MRPL1: variants seen among roughly 807,000 people sequenced by gnomAD.
MRPL1 encodes large ribosomal subunit protein uL1m.
MRPL1 carries 28 observed loss-of-function variants against 38.0 expected under a neutral mutation model. The observed-to-expected ratio is 0.74, with a 90% confidence interval of 0.55 to 1.01. The LOEUF is 1.01. MRPL1 is among the 50% of genes least tolerant of loss of function. The probability of loss-of-function intolerance (pLI) is 0.00; values close to 1 mark genes in which losing one functional copy is unlikely to be tolerated. For synonymous variants in MRPL1, 123 were observed against 126.7 expected (o/e 0.97, Z 0.20); for missense variants, 358 against 389.8 (o/e 0.92, Z 0.69).
chr4:77,881,091 A>T (rs1217805980), intron 2 of MRPL1, among the ~76,000 whole-genome samples: 1 of 152,232 alleles, frequency 6.6e-6, no homozygotes, highest in Non-Finnish European at 1.5e-5. Context: ...TAGAGCAGGG[A>T]AACTGTCATC....
chr4:77,892,593 C>T (rs1270141753), intron 5 of MRPL1, among the ~76,000 whole-genome samples: 1 of 152,158 alleles, frequency 6.6e-6, no homozygotes, highest in Non-Finnish European at 1.5e-5. Context: ...TTCCAAGATA[C>T]AGTCCTACTT....
intron 7 of MRPL1, among the ~76,000 whole-genome samples, chr4:77,925,509 G>A (rs1736695370): frequency 6.6e-6 from 1 of 151,744 alleles, no homozygotes; most frequent in South Asian, 2.1e-4. Flanking sequence ...GCCCGGCTAA[G>A]TACTTTTCTT....
rs1034592725 is a variant in MRPL1 at position 77,916,595 on chromosome 4, G to A, written c.777+7223G>A. Among the ~76,000 whole-genome samples, 4 of 152,192 alleles carry A rather than the reference G, an allele frequency of 2.6e-5. 1 individual carries two copies. The highest frequency in any genetic ancestry group is 4.1e-4 in the South Asian group (2 of 4,828). The stretch of plus-strand genomic sequence containing the variant: ...ATACTATTCTGTAGCTTTCTTTTCT[G>A]TGGATAAAAGTGTAGCATGGATGTC... On this transcript the variant is annotated intron_variant, in intron 7 of 8. Transcript: ENST00000315567.
chr4:77,889,157 C>T (rs981123521), intron 5 of MRPL1, among the ~76,000 whole-genome samples: 1 of 152,204 alleles, frequency 6.6e-6, no homozygotes, highest in African/African-American at 2.4e-5. Context: ...GAACTCTCCA[C>T]CCCAAATCAA....
At chr4:77,878,057 C>T (rs1345791193) in intron 2 of MRPL1, among the ~76,000 whole-genome samples, 3 of 152,110 alleles carry the variant, frequency 2.0e-5, no homozygotes, top group Non-Finnish European at 1.5e-5. Context: ...GTCACACTAG[C>T]CCTAAAATTG....
intron 6 of MRPL1, among the ~76,000 whole-genome samples, chr4:77,903,689 G>A (rs1340395353): frequency 6.6e-6 from 1 of 152,050 alleles, no homozygotes; most frequent in Non-Finnish European, 1.5e-5. Context: ...ATTTATGTGA[G>A]CATAAAGAAA....
intron 7 of MRPL1, among the ~76,000 whole-genome samples, chr4:77,938,659 C>A (rs567439385): frequency 6.6e-6 from 1 of 152,126 alleles, no homozygotes; most frequent in Non-Finnish European, 1.5e-5. Context: ...CTGTTCTTGA[C>A]AAATCAGGAG....
intron 5 of MRPL1, among the ~76,000 whole-genome samples, chr4:77,890,347 A>C (rs576765961): frequency 6.6e-6 from 1 of 152,322 alleles, no homozygotes; most frequent in South Asian, 2.1e-4. Flanking sequence ...CAAATCAATA[A>C]ATGTAATCCA....
chr4:77,946,718 C>T (rs1433498610), intron 7 of MRPL1, among the ~76,000 whole-genome samples: 1 of 152,186 alleles, frequency 6.6e-6, no homozygotes, highest in Non-Finnish European at 1.5e-5. Context: ...CACAACAATC[C>T]TTAGTCCTCC....
intron 7 of MRPL1, among the ~76,000 whole-genome samples, chr4:77,910,203 T>C (rs1405781451): frequency 6.6e-6 from 1 of 152,164 alleles, no homozygotes; most frequent in Non-Finnish European, 1.5e-5. Context: ...TTTTCCAAGG[T>C]CTCACAGCTA....
At chr4:77,896,356 T>C (rs1046068390) in intron 6 of MRPL1, among the ~76,000 whole-genome samples, 2 of 152,152 alleles carry the variant, frequency 1.3e-5, no homozygotes, top group Non-Finnish European at 2.9e-5. Flanking sequence ...AGTATGTTTT[T>C]CCCCCCTATT....
intron 6 of MRPL1, among the ~76,000 whole-genome samples, chr4:77,896,885 T>G (rs1735927358): frequency 6.6e-6 from 1 of 152,216 alleles, no homozygotes; most frequent in Admixed American, 6.5e-5. Context: ...TAAAACCTGT[T>G]TTTTTAAATT....
At chr4:77,946,380 T>C (rs771723997) in intron 7 of MRPL1, among the ~76,000 whole-genome samples, 15 of 152,176 alleles carry the variant, frequency 9.9e-5, no homozygotes, top group Non-Finnish European at 1.6e-4. Context: ...GCACACGTTT[T>C]ACAATCAATT....
At position 77,943,111 on chromosome 4, in the gene MRPL1, A is replaced by C. The variant is rs1737173891; in HGVS notation, c.778-6686A>C. Among the ~76,000 whole-genome samples, 3 of 152,206 alleles carry C rather than the reference A, an allele frequency of 2.0e-5. 1 individual carries two copies. The South Asian group carries it at 6.2e-4, about 32-fold the overall frequency. On this transcript the variant is annotated intron_variant, in intron 7 of 8. Coordinates refer to ENST00000315567, the MANE Select transcript of MRPL1 (RefSeq NM_020236.4). Reference sequence around the variant, plus strand: ...TCTCTCAGCATTTGTTTGTCTGAAAAAGATTGTGTATTTCCTTCATTTATG... The same window carrying C: ...TCTCTCAGCATTTGTTTGTCTGAAACAGATTGTGTATTTCCTTCATTTATG...
At chr4:77,941,367 G>A (rs1324958368) in intron 7 of MRPL1, among the ~76,000 whole-genome samples, 2 of 152,054 alleles carry the variant, frequency 1.3e-5, no homozygotes, top group African/African-American at 4.8e-5. Context: ...TGGTATTAGG[G>A]TGATATTGGC....
chr4:77,922,839 C>T (rs1207561942), intron 7 of MRPL1, among the ~76,000 whole-genome samples: 1 of 152,062 alleles, frequency 6.6e-6, no homozygotes, highest in African/African-American at 2.4e-5. Context: ...AGATTTGGAC[C>T]TGTTAAGTTT....
At chr4:77,883,639 A>G in intron 3 of MRPL1, 139 bp downstream of exon 3, 6 of 831,318 alleles carry the variant, frequency 7.2e-6, no homozygotes, top group Middle Eastern at 3.8e-4. Context: ...GTGCGGTGGT[A>G]TGATCTCAGC....
chr4:77,905,112 A>G (rs907083317), intron 6 of MRPL1, among the ~76,000 whole-genome samples: 1 of 152,206 alleles, frequency 6.6e-6, no homozygotes, highest in Non-Finnish European at 1.5e-5. Flanking sequence ...AAGAACCTGT[A>G]TCCATAATAT....
chr4:77,900,618 A>G (rs551334113), intron 6 of MRPL1, among the ~76,000 whole-genome samples: 19 of 152,348 alleles, frequency 1.2e-4, no homozygotes, highest in African/African-American at 4.3e-4. Flanking sequence ...GGTATATAAA[A>G]TGTTATCAGA....
Sources: gnomAD v4.1 joint callset for allele counts (sites outside exome capture counted in the v4.1 genomes callset) on GRCh38, gnomAD v4.1.1 for gene constraint, MANE v1.5 for transcripts, NCBI Gene and HGNC (gene_info 2026-07-23, HGNC 2026-07-21) for gene names.